The following RFTN1 variants were observed in gnomAD, a reference collection of about 807,000 sequenced individuals.
RFTN1 encodes raftlin, lipid raft linker 1.
RFTN1 carries 26 observed loss-of-function variants against 46.5 expected under a neutral mutation model. The ratio of observed to expected loss-of-function variants is 0.56; its 90% confidence interval spans 0.41 to 0.78. The LOEUF is 0.78. RFTN1 is among the 30% of genes least tolerant of loss of function. The pLI, the probability that RFTN1 is intolerant of heterozygous loss-of-function variation, is 0.00. For missense variants in RFTN1, 693 were observed against 718.7 expected (o/e 0.96, Z 0.41); for synonymous variants, 261 against 284.2 (o/e 0.92, Z 0.82).
intron 2 of RFTN1, among the ~76,000 whole-genome samples, chr3:16,492,417 G>T (rs950220360): frequency 6.6e-6 from 1 of 152,144 alleles, no homozygotes; most frequent in African/African-American, 2.4e-5. Context: ...CTTCACAACT[G>T]CCCCATGAAG....
chr3:16,400,803 G>A lies in RFTN1; in HGVS notation c.441+8572C>T, dbSNP rs147414572. The stretch of plus-strand genomic sequence containing the variant: ...AGGATCAAGAGAGGCCAGGGTGGGA[G>A]AGGAACTTCATAAGAAAACAGCGGC... On this transcript the variant is annotated intron_variant, in intron 4 of 9. Transcript: ENST00000334133. The surrounding 1 kb of genome is among the most constrained non-coding windows in gnomAD (Gnocchi z 4.5). 6.6e-6 allele frequency among the ~76,000 whole-genome samples: 1 copy of A among 152,146 alleles called. No individual in the cohort carries two copies. Among genetic ancestry groups the A allele is most frequent in the African/African-American group, 2.4e-5 (1 of 41,432 alleles).
At position 16,327,233 on chromosome 3, in the gene RFTN1, G is replaced by A. The variant is rs1011389884; in HGVS notation, c.1147-357C>T. Among the ~76,000 whole-genome samples the A allele has an allele frequency of 6.6e-6, 1 of 152,138 alleles. No individual in the cohort carries two copies. Among genetic ancestry groups the A allele is most frequent in the Non-Finnish European group, 1.5e-5 (1 of 68,032 alleles). ...CGGTATCCAGGGCATATAACTACACGTGCTGCTCTGAATGAGTTCAGAGCG... is the reference window on the plus strand; with the variant it reads ...CGGTATCCAGGGCATATAACTACACATGCTGCTCTGAATGAGTTCAGAGCG... On this transcript the variant is annotated intron_variant, in intron 7 of 9. Coordinates refer to ENST00000334133, the MANE Select transcript of RFTN1 (RefSeq NM_015150.2). The surrounding 1 kb of genome is among the most constrained non-coding windows in gnomAD (Gnocchi z 4.2).
intron 5 of RFTN1, 57 bp downstream of exon 5, chr3:16,377,661 G>T: frequency 6.6e-7 from 1 of 1,520,048 alleles, no homozygotes. Context: ...GGGGATTAAT[G>T]AAAAGCTGTT....
In RFTN1 at chr3:16,507,854, T is replaced by TAC. The variant is rs966052359; in HGVS notation, c.-9+5586_-9+5587dup. 6.6e-6 allele frequency among the ~76,000 whole-genome samples: 1 copy of TAC among 151,298 alleles called. No individual in the cohort carries two copies. The highest frequency in any genetic ancestry group is 2.1e-4 in the South Asian group (1 of 4,784). On this transcript the variant is annotated intron_variant, in intron 1 of 9. Coordinates refer to ENST00000334133, the MANE Select transcript of RFTN1 (RefSeq NM_015150.2). This position sits in a 1 kb window ranked among gnomAD's most constrained non-coding sequence, Gnocchi z 7.1. The stretch of plus-strand genomic sequence containing the variant: ...ACACACACACATACACACATATATA[T>TAC]ACACACACACATGCACACATATGAA...
At position 16,412,474 on chromosome 3, in the gene RFTN1, A is replaced by C. The variant is rs186638090; in HGVS notation, c.333-2991T>G. ...ACTAATCCTATGAAAAACAGCATTA[A>C]ATCCACTAGCAAAGCCCTATAGAGC... On this transcript the variant is annotated intron_variant, in intron 3 of 9. Coordinates refer to ENST00000334133, the MANE Select transcript of RFTN1 (RefSeq NM_015150.2). 2.1e-3 allele frequency among the ~76,000 whole-genome samples: 314 copies of C among 152,294 alleles called. 1 individual carries two copies. The highest frequency in any genetic ancestry group is 7.1e-3 in the African/African-American group (294 of 41,558).
rs745851074 is a variant in RFTN1 at position 16,460,171 on chromosome 3, C to A, written c.146-26134G>T. Among the ~76,000 whole-genome samples, 22 of 151,946 alleles carry A rather than the reference C, an allele frequency of 1.4e-4. No individual in the cohort carries two copies. Among genetic ancestry groups the A allele is most frequent in the Non-Finnish European group, 2.4e-4 (16 of 67,996 alleles). On this transcript the variant is annotated intron_variant, in intron 2 of 9. Transcript: ENST00000334133. The surrounding 1 kb of genome is among the most constrained non-coding windows in gnomAD (Gnocchi z 4.8). The stretch of plus-strand genomic sequence containing the variant: ...AACTGTGTAGATTATTCTGGCCCTG[C>A]AAAACACAGAAGTGTCTCAATTTCT...
rs2075992133 is a variant in RFTN1 at position 16,460,601 on chromosome 3, T to TA, written c.146-26565_146-26564insT. ...GCAGAGGCTGGGTGGGGAATATATATTTTTTTAACCTAAATCTTCTTCTCA... is the reference window on the plus strand; with the variant it reads ...GCAGAGGCTGGGTGGGGAATATATATATTTTTTAACCTAAATCTTCTTCTCA... On this transcript the variant is annotated intron_variant, in intron 2 of 9. Transcript: ENST00000334133. This position sits in a 1 kb window ranked among gnomAD's most constrained non-coding sequence, Gnocchi z 4.8. 1.3e-5 allele frequency among the ~76,000 whole-genome samples: 2 copies of TA among 151,030 alleles called. No individual in the cohort carries two copies. The highest frequency in any genetic ancestry group is 6.6e-5 in the Admixed American group (1 of 15,176).
chr3:16,510,700 T>C (rs533388260), intron 1 of RFTN1, among the ~76,000 whole-genome samples: 1 of 152,318 alleles, frequency 6.6e-6, no homozygotes, highest in African/African-American at 2.4e-5. Flanking sequence ...ATAACCATGT[T>C]GGGAAAAGGT....
rs1326981490 is a variant in RFTN1, at chr3:16,447,905, G to A, written c.146-13868C>T. 1.3e-5 allele frequency among the ~76,000 whole-genome samples: 2 copies of A among 152,230 alleles called. No homozygotes were observed. The highest frequency in any genetic ancestry group is 3.9e-4 in the East Asian group (2 of 5,192). ...GAGGTTACGCATGAGGATCTGATAG[G>A]CATTTGTGTGCTTATAAGGAATCTT... On this transcript the variant is annotated intron_variant, in intron 2 of 9. Transcript: ENST00000334133. The surrounding 1 kb of genome is among the most constrained non-coding windows in gnomAD (Gnocchi z 5.9).
intron 3 of RFTN1, chr3:16,416,160 T>C (rs749865535): frequency 7.7e-5 from 35 of 455,860 alleles, no homozygotes; most frequent in Middle Eastern, 3.3e-4. Context: ...TCCAAAGGAA[T>C]TTTCTGAAAG....
At position 16,460,845 on chromosome 3, in the gene RFTN1, C is replaced by T. The variant is rs2075997468; in HGVS notation, c.146-26808G>A. Reference sequence around the variant, plus strand: ...CAGCTGTGAAGTGGCCCACTCTCTCCCACCTACCCACCCCAGAATTTCTTA... The same window carrying T: ...CAGCTGTGAAGTGGCCCACTCTCTCTCACCTACCCACCCCAGAATTTCTTA... On this transcript the variant is annotated intron_variant, in intron 2 of 9. Coordinates refer to ENST00000334133, the MANE Select transcript of RFTN1 (RefSeq NM_015150.2). The surrounding 1 kb of genome is among the most constrained non-coding windows in gnomAD (Gnocchi z 4.8). Among the ~76,000 whole-genome samples, 1 of 152,180 alleles carries T rather than the reference C, an allele frequency of 6.6e-6. No homozygotes were observed. Among genetic ancestry groups the T allele is most frequent in the Non-Finnish European group, 1.5e-5 (1 of 68,036 alleles).
At position 16,460,140 on chromosome 3, in the gene RFTN1, GGA is replaced by G. The variant is rs142045723; in HGVS notation, c.146-26105_146-26104del. ...AGTATGTAAAATATGCATGGTGGAA[GGA>G]GTAAACTGTGTAGATTATTCTGGCC... On this transcript the variant is annotated intron_variant, in intron 2 of 9. Transcript: ENST00000334133. This position sits in a 1 kb window ranked among gnomAD's most constrained non-coding sequence, Gnocchi z 4.8. 3.4e-3 allele frequency among the ~76,000 whole-genome samples: 525 copies of G among 152,282 alleles called. 1 individual carries two copies. The highest frequency in any genetic ancestry group is 0.012 in the African/African-American group (508 of 41,558).
intron 7 of RFTN1, among the ~76,000 whole-genome samples, chr3:16,330,255 A>T (rs1416453040): frequency 1.3e-5 from 2 of 151,946 alleles, no homozygotes; most frequent in Non-Finnish European, 2.9e-5. Flanking sequence ...ACTCTGCCAG[A>T]CTCTCCCACT....
intron 2 of RFTN1, among the ~76,000 whole-genome samples, chr3:16,491,879 C>T (rs1314965493): frequency 1.3e-5 from 2 of 152,202 alleles, no homozygotes; most frequent in Non-Finnish European, 2.9e-5. Flanking sequence ...AATCCTTTCT[C>T]CTAGACACGC....
In RFTN1 at chr3:16,378,020, C is replaced by T; in HGVS notation, c.524G>A (p.Ser175Asn). ...GCTGTTGGCAGTAGACACCGGAGCA[C>T]TGCTGCCTGCCGAGTTCACAGAGGA... is the stretch of plus-strand genomic sequence containing the variant. ...YHSSVNSAGS[S>N]APVSTANSTE... is the part of the protein sequence containing the mutation. Residue 175 changes from serine (S) to asparagine (N), a missense_variant, in exon 5 of 10, where the codon AGT (serine) becomes AAT (asparagine). Coordinates refer to ENST00000334133, the MANE Select transcript of RFTN1 (RefSeq NM_015150.2). 6.2e-7 allele frequency: 1 copy of T among 1,614,276 alleles called. No individual in the cohort carries two copies. Among genetic ancestry groups the T allele is most frequent in the Non-Finnish European group, 8.5e-7 (1 of 1,180,052 alleles).
intron 2 of RFTN1, among the ~76,000 whole-genome samples, chr3:16,488,384 C>G (rs540604560): frequency 6.6e-6 from 1 of 152,182 alleles, no homozygotes; most frequent in Non-Finnish European, 1.5e-5. Context: ...CAGGCGTGAG[C>G]CACTGCACCC....
intron 7 of RFTN1, among the ~76,000 whole-genome samples, chr3:16,350,455 T>C (rs1262124910): frequency 2.0e-5 from 3 of 151,488 alleles, no homozygotes; most frequent in Non-Finnish European, 4.4e-5. Context: ...TGAAGCAAAC[T>C]TGAAAATTTT....
Position 16,381,540 on chromosome 3 carries a change from G to T in RFTN1, c.442-3438C>A, listed in dbSNP as rs1471918148. 1.3e-5 allele frequency among the ~76,000 whole-genome samples: 2 copies of T among 151,744 alleles called. No individual in the cohort carries two copies. Among genetic ancestry groups the T allele is most frequent in the African/African-American group, 4.8e-5 (2 of 41,394 alleles). On this transcript the variant is annotated intron_variant, in intron 4 of 9. Coordinates refer to ENST00000334133, the MANE Select transcript of RFTN1 (RefSeq NM_015150.2). This position sits in a 1 kb window ranked among gnomAD's most constrained non-coding sequence, Gnocchi z 4.2. ...TGGAGCATGCATGCCTCACCTTAAA[G>T]CATTCAAATCCAATTTTTTTTTTCC... is the stretch of plus-strand genomic sequence containing the variant.
rs1259707629 is a variant in RFTN1 at position 16,384,154 on chromosome 3, T to G, written c.442-6052A>C. The stretch of plus-strand genomic sequence containing the variant: ...TGGACTGCAACACAGAAATTCTCCC[T>G]GGGTTTTCTCCCCTTCAAACTCAAA... On this transcript the variant is annotated intron_variant, in intron 4 of 9. Coordinates refer to ENST00000334133, the MANE Select transcript of RFTN1 (RefSeq NM_015150.2). The surrounding 1 kb of genome is among the most constrained non-coding windows in gnomAD (Gnocchi z 4.7). Among the ~76,000 whole-genome samples, 1 of 152,222 alleles carries G rather than the reference T, an allele frequency of 6.6e-6. No homozygotes were observed. The highest frequency in any genetic ancestry group is 1.9e-4 in the East Asian group (1 of 5,188).
Sources: gnomAD v4.1 joint callset for allele counts (sites outside exome capture counted in the v4.1 genomes callset) on GRCh38, gnomAD v4.1.1 for gene constraint, Gnocchi (gnomAD v3.1) non-coding constraint, MANE v1.5 for transcripts, NCBI Gene and HGNC (gene_info 2026-07-23, HGNC 2026-07-21) for gene names.